KCNH8: variants seen among roughly 807,000 people sequenced by gnomAD.
KCNH8 encodes the protein potassium voltage-gated channel subfamily H member 8, also known as voltage-gated delayed rectifier potassium channel KCNH8.
Under a neutral mutation model 103.6 loss-of-function variants are expected in KCNH8, and 70 were observed. The ratio of observed to expected loss-of-function variants is 0.68; its 90% CI spans 0.56 to 0.82. The LOEUF is 0.82. KCNH8 is among the 40% of genes least tolerant of loss of function. The pLI, the probability that KCNH8 is intolerant of heterozygous loss-of-function variation, is 0.00. For synonymous variants in KCNH8, 498 were observed against 489.4 expected (o/e 1.02, Z -0.23); for missense variants, 1,217 against 1,329.9 (o/e 0.92, Z 1.32).
chr3:19,239,908 G>A (rs1279836492), intron 1 of KCNH8, among the ~76,000 whole-genome samples: 1 of 152,084 alleles, frequency 6.6e-6, no homozygotes, highest in East Asian at 1.9e-4. Flanking sequence ...GAACGGAGCA[G>A]GGAAGCCATG....
chr3:19,324,110 A>G (rs1014850573), intron 3 of KCNH8, among the ~76,000 whole-genome samples: 1 of 152,074 alleles, frequency 6.6e-6, no homozygotes, highest in African/African-American at 2.4e-5. Flanking sequence ...GGGTAGAGAA[A>G]GGCCATCCAA....
At chr3:19,368,690 A>G (rs1228636015) in intron 5 of KCNH8, among the ~76,000 whole-genome samples, 1 of 151,984 alleles carries the variant, frequency 6.6e-6, no homozygotes, top group Non-Finnish European at 1.5e-5. Context: ...AGTATCTGCA[A>G]TATAATAGCT....
chr3:19,451,165 A>G lies in KCNH8; in HGVS notation c.1586A>G (p.Asp529Gly). Residue 529 changes from aspartate to glycine, a missense_variant, in exon 10 of 16, where the codon GAC becomes GGC. Around this residue, in one of 3 missense-constraint regions of KCNH8, gnomAD observed 415 missense variants for 577.4 expected, o/e 0.72. Transcript: ENST00000328405. ...CATCTTCTCTGACAGCTTTTGAAAG[A>G]CTTTCCAGATGAACTGCGTTCTGAC... ...NGIDSNELLK[D>G]FPDELRSDIT... 2 of 1,613,754 alleles carry G rather than the reference A, an allele frequency of 1.2e-6. No homozygotes were observed. Among genetic ancestry groups the G allele is most frequent in the Non-Finnish European group, 1.7e-6 (2 of 1,179,720 alleles).
intron 11 of KCNH8, among the ~76,000 whole-genome samples, chr3:19,486,244 C>T (rs549757878): frequency 6.6e-6 from 1 of 152,328 alleles, no homozygotes; most frequent in South Asian, 2.1e-4. Flanking sequence ...GCTCAACCAG[C>T]CTTTCTGATA....
At chr3:19,402,924 T>C (rs1010208493) in intron 7 of KCNH8, among the ~76,000 whole-genome samples, 1 of 151,860 alleles carries the variant, frequency 6.6e-6, no homozygotes, top group African/African-American at 2.4e-5. Flanking sequence ...TAAAACTGAT[T>C]TGCCTAAAAT....
At chr3:19,279,191 G>T (rs1353151870) in intron 2 of KCNH8, among the ~76,000 whole-genome samples, 1 of 152,054 alleles carries the variant, frequency 6.6e-6, no homozygotes, top group East Asian at 1.9e-4. Flanking sequence ...ATTGAAAAAG[G>T]CTCCCAGTCT....
At chr3:19,452,419 T>C (rs1416290123) in intron 10 of KCNH8, among the ~76,000 whole-genome samples, 1 of 152,132 alleles carries the variant, frequency 6.6e-6, no homozygotes, top group Non-Finnish European at 1.5e-5. Context: ...TGTTTGTTTA[T>C]TCACCTAACG....
chr3:19,266,237 TTCTG>T (rs1462680560), intron 2 of KCNH8, among the ~76,000 whole-genome samples: 1 of 152,114 alleles, frequency 6.6e-6, no homozygotes. Flanking sequence ...CCTTCCCTGT[TTCTG>T]TCCTCCCTGT....
At chr3:19,244,721 G>A (rs1575464513) in intron 1 of KCNH8, among the ~76,000 whole-genome samples, 1 of 152,134 alleles carries the variant, frequency 6.6e-6, no homozygotes, top group African/African-American at 2.4e-5. Context: ...CAGATGATTA[G>A]TGATGATGAA....
At chr3:19,298,921 C>CA (rs56304109) in intron 3 of KCNH8, among the ~76,000 whole-genome samples, 1,853 of 76,550 alleles carry the variant, frequency 0.024, 41 homozygotes, top group African/African-American at 0.058. Context: ...GACTCCGTCT[C>CA]AAAAAAAAAA....
rs369047706 is a variant in KCNH8 at position 19,526,829 on chromosome 3, T to A, written c.2620-6566T>A. On this transcript the variant is annotated intron_variant, in intron 15 of 15. Transcript: ENST00000328405. ...ATGAAAGTGAGTTACTTAAGTTCAA[T>A]TGAAAATAACAAAAAGTCATAAGAA... Among the ~76,000 whole-genome samples, 148 of 152,106 alleles carry A rather than the reference T, an allele frequency of 9.7e-4. 1 individual carries two copies. Among genetic ancestry groups the A allele is most frequent in the African/African-American group, 3.4e-3 (140 of 41,520 alleles).
At chr3:19,220,187 C>T (rs2063858529) in intron 1 of KCNH8, among the ~76,000 whole-genome samples, 1 of 152,168 alleles carries the variant, frequency 6.6e-6, no homozygotes, top group Non-Finnish European at 1.5e-5. Context: ...TTGGCCATTG[C>T]TGTTTTTCAT....
chr3:19,164,878 G>A (rs2063267694), intron 1 of KCNH8, among the ~76,000 whole-genome samples: 1 of 152,168 alleles, frequency 6.6e-6, no homozygotes, highest in African/African-American at 2.4e-5. Flanking sequence ...AGAATTGAGA[G>A]CTCTGCTGTA....
At chr3:19,157,674 T>A (rs952783185) in intron 1 of KCNH8, among the ~76,000 whole-genome samples, 2 of 152,026 alleles carry the variant, frequency 1.3e-5, no homozygotes, top group Non-Finnish European at 2.9e-5. Context: ...GAAAAGTGGT[T>A]TCTTGTGATT....
At chr3:19,399,623 C>T (rs2066579041) in intron 7 of KCNH8, among the ~76,000 whole-genome samples, 1 of 151,888 alleles carries the variant, frequency 6.6e-6, no homozygotes, top group Non-Finnish European at 1.5e-5. Flanking sequence ...CATGAGTACT[C>T]ACTTCACATA....
At chr3:19,455,191 A>G (rs906905831) in intron 10 of KCNH8, among the ~76,000 whole-genome samples, 1 of 152,104 alleles carries the variant, frequency 6.6e-6, no homozygotes, top group Non-Finnish European at 1.5e-5. Flanking sequence ...AGGGGCAGGA[A>G]TTTGTTATGG....
intron 3 of KCNH8, among the ~76,000 whole-genome samples, chr3:19,335,874 C>A (rs1007942032): frequency 6.6e-6 from 1 of 151,674 alleles, no homozygotes; most frequent in African/African-American, 2.4e-5. Flanking sequence ...AATTCATGAT[C>A]TTGTTTTCAT....
chr3:19,194,708 C>T (rs1282375585), intron 1 of KCNH8, among the ~76,000 whole-genome samples: 2 of 151,786 alleles, frequency 1.3e-5, no homozygotes, highest in Non-Finnish European at 2.9e-5. Flanking sequence ...TGAGATCAAT[C>T]ATACCCCAAA....
intron 6 of KCNH8, among the ~76,000 whole-genome samples, chr3:19,392,130 A>G (rs2066446100): frequency 6.6e-6 from 1 of 150,436 alleles, no homozygotes; most frequent in South Asian, 2.1e-4. Flanking sequence ...ATACATTTTT[A>G]TATCATTAAC....
Sources: allele counts gnomAD v4.1 joint callset (sites outside exome capture counted in the v4.1 genomes callset), GRCh38; gene constraint gnomAD v4.1.1; regional missense constraint gnomAD v4.1.1; transcripts MANE v1.5; gene names NCBI Gene and HGNC (gene_info 2026-07-23, HGNC 2026-07-21).